The following ADAMTSL3 variants were observed in gnomAD, a reference collection of about 807,000 sequenced individuals.
ADAMTSL3 encodes ADAMTS like 3.
In ADAMTSL3, 128 loss-of-function variants were observed where a neutral mutation model predicts 201.7. That is an observed-to-expected ratio of 0.63 (90% CI 0.55 to 0.73). The LOEUF (loss-of-function observed/expected upper bound fraction) is 0.73, where lower values mean the gene tolerates loss of function less well. ADAMTSL3 is among the 30% of genes least tolerant of loss of function. ADAMTSL3 has a pLI of 0.00. For missense variants in ADAMTSL3, 1,990 were observed against 2,119.6 expected (o/e 0.94, Z 1.20); for synonymous variants, 738 against 748.4 (o/e 0.99, Z 0.23).
At chr15:83,871,029 T>C (rs990641913) in intron 9 of ADAMTSL3, 70 bp downstream of exon 9, 7 of 1,551,734 alleles carry the variant, frequency 4.5e-6, no homozygotes, top group Admixed American at 1.9e-5. Context: ...AAACAATGAG[T>C]TTGTTTAGCA....
At chr15:83,981,258 CT>C (rs1050456723) in intron 20 of ADAMTSL3, among the ~76,000 whole-genome samples, 2 of 152,218 alleles carry the variant, frequency 1.3e-5, no homozygotes, top group African/African-American at 4.8e-5. Flanking sequence ...AAATACTTCT[CT>C]TGGGGACAGG....
At chr15:83,988,144 A>C (rs1456022726) in intron 21 of ADAMTSL3, among the ~76,000 whole-genome samples, 1 of 152,192 alleles carries the variant, frequency 6.6e-6, no homozygotes, top group East Asian at 1.9e-4. Flanking sequence ...AATTCTTAAC[A>C]GCATGGTCCA....
chr15:83,895,201 C>G (rs2065587770), intron 13 of ADAMTSL3, among the ~76,000 whole-genome samples: 1 of 152,128 alleles, frequency 6.6e-6, no homozygotes, highest in Admixed American at 6.5e-5. Flanking sequence ...TTTTAAGGGT[C>G]TTTCTACTGG....
At chr15:83,773,426 T>C in intron 3 of ADAMTSL3, 97 bp from the exon 4 acceptor site, 3 of 1,365,398 alleles carry the variant, frequency 2.2e-6, no homozygotes, top group Non-Finnish European at 3.0e-6. Flanking sequence ...AAAAGGTGAC[T>C]CTGGAATAAC....
At chr15:83,854,134 T>A (rs1387232325) in intron 7 of ADAMTSL3, among the ~76,000 whole-genome samples, 2 of 152,196 alleles carry the variant, frequency 1.3e-5, no homozygotes, top group African/African-American at 4.8e-5. Flanking sequence ...ATATCCAATC[T>A]ATGTTAAAAT....
intron 25 of ADAMTSL3, among the ~76,000 whole-genome samples, chr15:84,020,420 A>G (rs1304889322): frequency 6.6e-6 from 1 of 152,260 alleles, no homozygotes; most frequent in African/African-American, 2.4e-5. Flanking sequence ...GTCACCTGGG[A>G]GGTTCTCAGT....
intron 4 of ADAMTSL3, among the ~76,000 whole-genome samples, chr15:83,786,411 G>T (rs764129767): frequency 7.2e-4 from 110 of 152,116 alleles, no homozygotes; most frequent in Admixed American, 4.6e-4. Flanking sequence ...AGTAAATGGG[G>T]TATTCGTCCC....
intron 3 of ADAMTSL3, among the ~76,000 whole-genome samples, chr15:83,763,521 T>C (rs2062841846): frequency 6.6e-6 from 1 of 151,666 alleles, no homozygotes; most frequent in African/African-American, 2.4e-5. Flanking sequence ...TTTTTTTTTT[T>C]TGAGACAGAG....
At chr15:83,673,907 T>G (rs975635014) in intron 2 of ADAMTSL3, among the ~76,000 whole-genome samples, 8 of 152,206 alleles carry the variant, frequency 5.3e-5, no homozygotes, top group African/African-American at 1.9e-4. Flanking sequence ...ATTCATGGCT[T>G]CTTCTCTGCT....
At chr15:83,701,970 G>A (rs773671711) in intron 2 of ADAMTSL3, among the ~76,000 whole-genome samples, 12 of 152,270 alleles carry the variant, frequency 7.9e-5, no homozygotes, top group South Asian at 2.1e-4. Context: ...TTGGAACTCC[G>A]GAGAGACTTG....
chr15:83,713,078 T>C (rs1201405872), intron 3 of ADAMTSL3, among the ~76,000 whole-genome samples: 1 of 152,176 alleles, frequency 6.6e-6, no homozygotes, highest in Non-Finnish European at 1.5e-5. Context: ...TGGCCTCTTC[T>C]ATCAGTGTCA....
intron 7 of ADAMTSL3, 69 bp downstream of exon 7, chr15:83,838,284 A>G: frequency 6.6e-7 from 1 of 1,523,522 alleles, no homozygotes; most frequent in Non-Finnish European, 8.8e-7. Context: ...TTGCTAGAAT[A>G]ACATTTTCTG....
intron 2 of ADAMTSL3, among the ~76,000 whole-genome samples, chr15:83,659,997 T>A (rs113528098): frequency 6.6e-6 from 1 of 152,168 alleles, no homozygotes; most frequent in East Asian, 1.9e-4. Context: ...AATAAACTTA[T>A]GTTGTTTTAA....
chr15:83,761,847 ATTCT>A (rs2062812595), intron 3 of ADAMTSL3, among the ~76,000 whole-genome samples: 1 of 152,202 alleles, frequency 6.6e-6, no homozygotes, highest in South Asian at 2.1e-4. Context: ...CCTGGTTATG[ATTCT>A]TAGAAAAGAA....
intron 4 of ADAMTSL3, among the ~76,000 whole-genome samples, chr15:83,798,411 G>A (rs1434642213): frequency 6.6e-6 from 1 of 152,152 alleles, no homozygotes; most frequent in Non-Finnish European, 1.5e-5. Flanking sequence ...AGTTTCTGTG[G>A]TGTTTCAGAA....
intron 24 of ADAMTSL3, among the ~76,000 whole-genome samples, chr15:84,015,814 A>G (rs1287149951): frequency 5.3e-5 from 8 of 151,612 alleles, no homozygotes; most frequent in Non-Finnish European, 1.2e-4. Flanking sequence ...GCCCATTTCC[A>G]CTCATGAATC....
chr15:83,809,932 T>C (rs753748932), intron 5 of ADAMTSL3, among the ~76,000 whole-genome samples: 2 of 152,170 alleles, frequency 1.3e-5, no homozygotes, highest in African/African-American at 4.8e-5. Flanking sequence ...AATCTGTGGA[T>C]CAAGTTTTTT....
At chr15:83,769,623 T>G (rs1379670477) in intron 3 of ADAMTSL3, among the ~76,000 whole-genome samples, 1 of 152,182 alleles carries the variant, frequency 6.6e-6, no homozygotes, top group East Asian at 1.9e-4. Flanking sequence ...CAGGACTGCT[T>G]ACTGTGCTAT....
chr15:83,708,504 C>T (rs998103343), intron 3 of ADAMTSL3, among the ~76,000 whole-genome samples: 42 of 151,958 alleles, frequency 2.8e-4, no homozygotes, highest in African/African-American at 7.3e-4. Context: ...CGGAGGGCCG[C>T]GGCAGCTTCT....
Sources: allele counts gnomAD v4.1 joint callset (sites outside exome capture counted in the v4.1 genomes callset), GRCh38; gene constraint gnomAD v4.1.1; transcripts MANE v1.5; gene names NCBI Gene and HGNC (gene_info 2026-07-23, HGNC 2026-07-21).